Variants in ERLIN1 observed in about 807,000 individuals in gnomAD.
ERLIN1 encodes the protein erlin-1.
In ERLIN1, 24 loss-of-function variants were observed where a neutral mutation model predicts 46.9. The ratio of observed to expected loss-of-function variants is 0.51; its 90% CI spans 0.37 to 0.72. ERLIN1 has a LOEUF of 0.72. Among genes scored for constraint, ERLIN1 ranks in the 30% least tolerant of loss-of-function variants. The pLI is 0.00. For synonymous variants in ERLIN1, 158 were observed against 143.2 expected, an observed-to-expected ratio of 1.10 and a Z score of -0.74; for missense variants, 293 against 417.9, an observed-to-expected ratio of 0.70 and a Z score of 2.61.
Position 100,185,675 on chromosome 10 carries a change from G to A in ERLIN1, c.-49C>T, listed in dbSNP as rs987289636. On this transcript the variant is annotated 5_prime_UTR_variant, in exon 1 of 11. Coordinates refer to ENST00000421367, the MANE Select transcript of ERLIN1 (RefSeq NM_006459.4). ...GAAAAGGACCCTCAGTCCCGTGAGT[G>A]ACAGGTCCACCCCCTCCAGTTTCTA... 16 of 1,469,840 alleles carry A rather than the reference G, an allele frequency of 1.1e-5. No homozygotes were observed. Among genetic ancestry groups the A allele is most frequent in the Non-Finnish European group, 1.5e-5 (16 of 1,049,268 alleles). 91.0% of individuals were successfully genotyped at this position (1,469,840 alleles called of 1,614,324 possible).
intron 10 of ERLIN1, among the ~76,000 whole-genome samples, chr10:100,154,153 A>G (rs1842947175): frequency 6.6e-6 from 1 of 152,288 alleles, no homozygotes; most frequent in African/African-American, 2.4e-5. Flanking sequence ...TCAGAATACT[A>G]TCGGAGTTCT....
chr10:100,158,049 G>A (rs1843166332), intron 8 of ERLIN1, among the ~76,000 whole-genome samples: 1 of 152,230 alleles, frequency 6.6e-6, no homozygotes. Context: ...GAGCCTGTAT[G>A]GTGGTGTCCC....
chr10:100,163,988 A>C lies in ERLIN1; in HGVS notation c.655+16T>G. 1 of 1,521,120 alleles carries C rather than the reference A, an allele frequency of 6.6e-7. No individual in the cohort carries two copies. Among genetic ancestry groups the C allele is most frequent in the Non-Finnish European group, 9.1e-7 (1 of 1,097,314 alleles). The allele number at this position is 1,521,120 out of a possible 1,614,324, so 94.2% of individuals were successfully genotyped here. ...AAATGTACTTAGAGACAATCATTTC[A>C]GAGAAATCCAAGTACCTATAACTGC... On this transcript the variant is annotated intron_variant, in intron 8 of 10. Coordinates refer to ENST00000421367, the MANE Select transcript of ERLIN1 (RefSeq NM_006459.4).
At chr10:100,169,830 C>T (rs562991169) in intron 6 of ERLIN1, among the ~76,000 whole-genome samples, 2 of 152,192 alleles carry the variant, frequency 1.3e-5, no homozygotes, top group South Asian at 4.1e-4. Context: ...CCAGCCTGGG[C>T]AACACGGCAA....
intron 7 of ERLIN1, among the ~76,000 whole-genome samples, 174 bp from the exon 8 acceptor site, chr10:100,164,269 G>T (rs1843514213): frequency 6.6e-6 from 1 of 152,172 alleles, no homozygotes; most frequent in African/African-American, 2.4e-5. Context: ...ATCTGAGGTT[G>T]AAAGATTCAA....
chr10:100,178,740 A>G (rs1844460458), intron 3 of ERLIN1, among the ~76,000 whole-genome samples: 2 of 152,210 alleles, frequency 1.3e-5, no homozygotes. Context: ...CTTCATATAC[A>G]GTAATTCTAA....
In ERLIN1 at chr10:100,152,297, T is replaced by G; in HGVS notation, c.881A>C (p.Asn294Thr). The G allele has an allele frequency of 6.2e-6, 10 of 1,613,696 alleles. No individual in the cohort carries two copies. The highest frequency in any genetic ancestry group is 8.5e-6 in the Non-Finnish European group (10 of 1,179,584). Residue 294 changes from asparagine to threonine, a missense_variant, in exon 11 of 11, where the codon AAC (asparagine) becomes ACC (threonine). By Grantham distance (65) the Asn-to-Thr change is moderately conservative. Coordinates refer to ENST00000421367, the MANE Select transcript of ERLIN1 (RefSeq NM_006459.4). ...GTTGCTGCCAAAATAGATCTTACTG[T>G]TAGAAGCAATGGCCTGGTACTTTTT... ...ELKKYQAIAS[N>T]SKIYFGSNIP...
At chr10:100,159,220 TCTC>T (rs1205355426) in intron 8 of ERLIN1, among the ~76,000 whole-genome samples, 1 of 152,070 alleles carries the variant, frequency 6.6e-6, no homozygotes, top group Non-Finnish European at 1.5e-5. Context: ...CAGAAGCAAT[TCTC>T]CAGGGAGATA....
At chr10:100,168,895 G>A (rs1843815154) in intron 6 of ERLIN1, among the ~76,000 whole-genome samples, 1 of 152,112 alleles carries the variant, frequency 6.6e-6, no homozygotes, top group Non-Finnish European at 1.5e-5. Flanking sequence ...TGTTGGTCAA[G>A]CTGGTCTCGA....
At chr10:100,154,625 A>G (rs1308770119) in intron 10 of ERLIN1, among the ~76,000 whole-genome samples, 1 of 152,176 alleles carries the variant, frequency 6.6e-6, no homozygotes, top group Non-Finnish European at 1.5e-5. Context: ...CTTCAACTTA[A>G]TTAATTATTC....
intron 8 of ERLIN1, among the ~76,000 whole-genome samples, chr10:100,157,561 C>T (rs1036778850): frequency 6.6e-6 from 1 of 152,292 alleles, no homozygotes; most frequent in Non-Finnish European, 1.5e-5. Context: ...GGAAAGAAAA[C>T]TTCCAAGTGA....
intron 8 of ERLIN1, among the ~76,000 whole-genome samples, chr10:100,156,883 T>G (rs1018126811): frequency 2.0e-5 from 3 of 152,092 alleles, no homozygotes; most frequent in African/African-American, 7.2e-5. Context: ...AGCATGATGG[T>G]GCGTGCCTAT....
At chr10:100,171,011 A>C (rs559999313) in intron 6 of ERLIN1, among the ~76,000 whole-genome samples, 103 of 152,356 alleles carry the variant, frequency 6.8e-4, no homozygotes, top group Non-Finnish European at 1.3e-3. Flanking sequence ...GAGGGGATGG[A>C]GCTGAAGGCC....
chr10:100,163,231 C>T (rs1369404024), intron 8 of ERLIN1, among the ~76,000 whole-genome samples: 1 of 152,024 alleles, frequency 6.6e-6, no homozygotes, highest in Non-Finnish European at 1.5e-5. Flanking sequence ...TTTATAAACT[C>T]TTACACACTT....
intron 2 of ERLIN1, among the ~76,000 whole-genome samples, chr10:100,179,677 G>A (rs367884112): frequency 6.6e-6 from 1 of 152,116 alleles, no homozygotes; most frequent in Non-Finnish European, 1.5e-5. Context: ...GGCTGGTCTT[G>A]AACTCCTGGC....
intron 7 of ERLIN1, among the ~76,000 whole-genome samples, chr10:100,165,927 T>C (rs900758611): frequency 4.6e-5 from 7 of 152,130 alleles, no homozygotes; most frequent in Non-Finnish European, 7.4e-5. Flanking sequence ...GGTTTCACCA[T>C]GTTGGCCAGG....
rs1844934555 is a variant in ERLIN1, at chr10:100,185,744, G to A, written c.-118C>T. On this transcript the variant is annotated 5_prime_UTR_variant, in exon 1 of 11. Transcript: ENST00000421367. ...TTGGCGCTCTCTCGCAGGCTGAGCC[G>A]GGGAGTCCAGTACCCCTGTCCCCTC... 3 of 771,644 alleles carry A rather than the reference G, an allele frequency of 3.9e-6. No homozygotes were observed. Among genetic ancestry groups the A allele is most frequent in the South Asian group, 3.2e-5 (2 of 63,466 alleles). 47.8% of individuals were successfully genotyped at this position (771,644 alleles called of 1,614,324 possible). A position where few individuals can be genotyped will look rare whatever the true frequency, so the allele number is the denominator to read the frequency against.
In ERLIN1 at chr10:100,185,995, C is replaced by A; in HGVS notation, c.-369G>T. ...GACGCATCGCCCCCGCCCGCACGTGCAGCCGACTCCCGCGCCGAGCCAACC... is the reference window on the plus strand; with the variant it reads ...GACGCATCGCCCCCGCCCGCACGTGAAGCCGACTCCCGCGCCGAGCCAACC... On this transcript the variant is annotated 5_prime_UTR_variant, in exon 1 of 11. Coordinates refer to ENST00000421367, the MANE Select transcript of ERLIN1 (RefSeq NM_006459.4). The A allele has an allele frequency of 2.3e-6, 1 of 426,488 alleles. No homozygotes were observed. Among genetic ancestry groups the A allele is most frequent in the Non-Finnish European group, 4.1e-6 (1 of 243,184 alleles). 26.4% of individuals were successfully genotyped at this position (426,488 alleles called of 1,614,324 possible). A position where few individuals can be genotyped will look rare whatever the true frequency, so the allele number is the denominator to read the frequency against.
chr10:100,165,778 T>C (rs1317300890), intron 7 of ERLIN1, among the ~76,000 whole-genome samples: 2 of 152,092 alleles, frequency 1.3e-5, no homozygotes, highest in Admixed American at 1.3e-4. Flanking sequence ...CAGGTTGGAG[T>C]GCAATGGCGT....
Sources: allele counts gnomAD v4.1 joint callset (sites outside exome capture counted in the v4.1 genomes callset), GRCh38; gene constraint gnomAD v4.1.1; transcripts MANE v1.5; gene names NCBI Gene and HGNC (gene_info 2026-07-23, HGNC 2026-07-21).